LAMB1: variants seen among roughly 807,000 people sequenced by gnomAD.
LAMB1 encodes the protein laminin subunit beta-1.
A neutral mutation model predicts 222.3 loss-of-function variants in LAMB1; 121 were observed. The ratio of observed to expected loss-of-function variants is 0.54; its 90% CI spans 0.47 to 0.63. LAMB1 has a LOEUF of 0.63. Among genes scored for constraint, LAMB1 ranks in the 30% least tolerant of loss-of-function variants. The pLI, the probability that LAMB1 is intolerant of heterozygous loss-of-function variation, is 0.00. For missense variants in LAMB1, 2,172 were observed against 2,240.8 expected, an observed-to-expected ratio of 0.97 and a Z score of 0.62; for synonymous variants, 794 against 807.2, an observed-to-expected ratio of 0.98 and a Z score of 0.28.
intron 3 of LAMB1, among the ~76,000 whole-genome samples, chr7:108,000,246 T>A (rs1257096948): frequency 6.6e-6 from 1 of 151,814 alleles, no homozygotes; most frequent in African/African-American, 2.4e-5. Flanking sequence ...TCCCTTCTAA[T>A]CAGGAGGAAG....
intron 5 of LAMB1, among the ~76,000 whole-genome samples, chr7:107,991,290 A>G (rs1019072635): frequency 2.0e-5 from 3 of 152,214 alleles, no homozygotes; most frequent in African/African-American, 7.2e-5. Flanking sequence ...CTTATTAAAA[A>G]TACAAAAAAG....
Position 107,940,358 on chromosome 7 carries a change from G to T in LAMB1, c.3392C>A (p.Ala1131Asp). The T allele has an allele frequency of 6.2e-7, 1 of 1,610,160 alleles. No homozygotes were observed. The highest frequency in any genetic ancestry group is 8.5e-7 in the Non-Finnish European group (1 of 1,176,752). ...FWGDPDVECR[A>D]CDCDPRGIET... ...AATGCCCCTGGGGTCACAGTCACAG[G>T]CTAGAAGGGAATAAGCAATGCTAGC... The change falls in exon 25 of 34, where the codon GCC (alanine) becomes GAC (aspartate). Residue 1131 changes from alanine to aspartate, a missense_variant and splice_region_variant. By Grantham distance (126) the Ala-to-Asp change is moderately radical (BLOSUM62 -2). Transcript: ENST00000222399.
At chr7:107,934,268 C>T (rs571683846) in intron 27 of LAMB1, among the ~76,000 whole-genome samples, 1 of 152,242 alleles carries the variant, frequency 6.6e-6, no homozygotes, top group African/African-American at 2.4e-5. Flanking sequence ...TTGTCTATTT[C>T]AGAGAAAGTG....
At chr7:107,969,716 C>T (rs12533827) in intron 13 of LAMB1, among the ~76,000 whole-genome samples, 59,017 of 152,068 alleles carry the variant, frequency 0.39, 12,588 homozygotes, top group Middle Eastern at 0.52. Context: ...TAGCCTATTG[C>T]TCCTAAGCTA....
chr7:107,959,556 G>A, intron 19 of LAMB1, 76 bp from the exon 20 acceptor site: 1 of 1,606,420 alleles, frequency 6.2e-7, no homozygotes, highest in Non-Finnish European at 8.5e-7. Flanking sequence ...TAAGCACCCT[G>A]TCCCCAATTC....
intron 13 of LAMB1, among the ~76,000 whole-genome samples, chr7:107,969,856 C>T (rs1584517124): frequency 6.6e-6 from 1 of 152,134 alleles, no homozygotes; most frequent in Admixed American, 6.6e-5. Flanking sequence ...ATGGGACCAC[C>T]GTTGTATGTG....
chr7:107,994,974 A>T lies in LAMB1; in HGVS notation c.350-14T>A, dbSNP rs199684358. 2.4e-5 allele frequency: 33 copies of T among 1,377,808 alleles called. No individual in the cohort carries two copies. The highest frequency in any genetic ancestry group is 1.8e-4 in the Admixed American group (10 of 55,228). 85.3% of individuals were successfully genotyped at this position (1,377,808 alleles called of 1,614,324 possible). On this transcript the variant is annotated splice_polypyrimidine_tract_variant and intron_variant, in intron 4 of 33. Coordinates refer to ENST00000222399, the MANE Select transcript of LAMB1 (RefSeq NM_002291.3). ...CATTTTCCACACCTACAGGAGATTT[A>T]AAAAAAATAAAACAATAAATGAAAC...
intron 21 of LAMB1, 118 bp downstream of exon 21, chr7:107,955,349 A>G (rs1467710979): frequency 1.6e-5 from 14 of 896,698 alleles, no homozygotes; most frequent in Non-Finnish European, 2.0e-5. Context: ...ATTTTTAATT[A>G]AAAATTATAA....
At position 107,929,490 on chromosome 7, in the gene LAMB1, T is replaced by C. The variant is rs767249952; in HGVS notation, c.4667A>G (p.Gln1556Arg). 1.9e-6 allele frequency: 3 copies of C among 1,613,620 alleles called. No individual in the cohort carries two copies. The highest frequency in any genetic ancestry group is 2.2e-5 in the South Asian group (2 of 91,078). ...ACTATGCTGAAGAATAACCTCTACTTGAGAAAGGCTTTCAACTCGTTCACG... is the reference window on the plus strand; with the variant it reads ...ACTATGCTGAAGAATAACCTCTACTCGAGAAAGGCTTTCAACTCGTTCACG... ...DIRERVESLSQVEVILQHSAA... is the reference protein window; with the variant it reads ...DIRERVESLSRVEVILQHSAA... The change falls in exon 30 of 34, where the codon CAA becomes CGA. Residue 1556 changes from glutamine to arginine, a missense_variant. Transcript: ENST00000222399.
intron 27 of LAMB1, among the ~76,000 whole-genome samples, chr7:107,933,692 C>G (rs78349536): frequency 6.6e-6 from 1 of 152,126 alleles, no homozygotes; most frequent in African/African-American, 2.4e-5. Flanking sequence ...AAAACTCTCT[C>G]TACACAAGGA....
chr7:107,975,927 A>C, intron 9 of LAMB1, 50 bp from the exon 10 acceptor site: 4 of 1,506,256 alleles, frequency 2.7e-6, no homozygotes, highest in African/African-American at 1.4e-5. Context: ...CTATGGACCA[A>C]TGGAGGATGG....
At chr7:107,961,792 C>T (rs915536984) in intron 15 of LAMB1, 116 bp from the exon 16 acceptor site, 8 of 1,223,700 alleles carry the variant, frequency 6.5e-6, no homozygotes, top group African/African-American at 1.5e-5. Flanking sequence ...AGTTGCTCTT[C>T]ACTTTTCTCT....
chr7:108,001,852 A>G, intron 2 of LAMB1, 119 bp from the exon 3 acceptor site: 3 of 1,509,570 alleles, frequency 2.0e-6, no homozygotes, highest in Non-Finnish European at 2.7e-6. Context: ...TTCGGAAGAA[A>G]GCAAAATGCA....
In LAMB1 at chr7:107,993,879, G is replaced by A. The variant is rs2034232837; in HGVS notation, c.423+1008C>T. ...CTTCCTGCTCCAGCAGGAACAGCAGGCTGCTGGGGAGTGGGCAAGGGGATA... is the reference window on the plus strand; with the variant it reads ...CTTCCTGCTCCAGCAGGAACAGCAGACTGCTGGGGAGTGGGCAAGGGGATA... On this transcript the variant is annotated intron_variant, in intron 5 of 33. Transcript: ENST00000222399. Among the ~76,000 whole-genome samples the A allele has an allele frequency of 2.6e-5, 4 of 152,294 alleles. No homozygotes were observed. In the South Asian group the frequency reaches 8.3e-4, roughly 32 times the overall value.
chr7:107,939,161 T>G (rs925505352), intron 25 of LAMB1, among the ~76,000 whole-genome samples: 3 of 152,154 alleles, frequency 2.0e-5, no homozygotes, highest in African/African-American at 7.2e-5. Flanking sequence ...CTTTTCTATT[T>G]TTGTCCTTTA....
chr7:107,929,774 T>A, intron 29 of LAMB1, 155 bp from the exon 30 acceptor site: 4 of 581,610 alleles, frequency 6.9e-6, no homozygotes, highest in Admixed American at 3.1e-5. Flanking sequence ...CTATCTGGGA[T>A]TTTGAGGGGA....
intron 24 of LAMB1, among the ~76,000 whole-genome samples, chr7:107,944,736 A>G (rs1211263811): frequency 6.6e-6 from 1 of 152,200 alleles, no homozygotes; most frequent in Non-Finnish European, 1.5e-5. Context: ...TTTTCAGTGA[A>G]ACTCCCACAC....
At chr7:107,938,790 T>C (rs777182117) in intron 25 of LAMB1, among the ~76,000 whole-genome samples, 2 of 152,196 alleles carry the variant, frequency 1.3e-5, no homozygotes, top group Non-Finnish European at 2.9e-5. Context: ...AAATGCATTG[T>C]CACTCTACAT....
intron 12 of LAMB1, among the ~76,000 whole-genome samples, chr7:107,973,765 C>T (rs1389587378): frequency 6.6e-6 from 1 of 152,138 alleles, no homozygotes; most frequent in Non-Finnish European, 1.5e-5. Context: ...CCTGCCTTAG[C>T]CTCCCGAGTA....
Sources: gnomAD v4.1 joint callset for allele counts (sites outside exome capture counted in the v4.1 genomes callset) on GRCh38, gnomAD v4.1.1 for gene constraint, MANE v1.5 for transcripts, NCBI Gene and HGNC (gene_info 2026-07-23, HGNC 2026-07-21) for gene names.